Variants in AFG1L observed in about 807,000 individuals in gnomAD.
AFG1L encodes AFG1 like ATPase.
Under a neutral mutation model 62.2 loss-of-function variants are expected in AFG1L, and 53 were observed. The observed-to-expected ratio is 0.85, with a 90% CI of 0.68 to 1.07. AFG1L has a LOEUF of 1.07. AFG1L is among the 50% of genes least tolerant of loss of function. The probability of loss-of-function intolerance (pLI) is 0.00; values close to 1 mark genes in which losing one functional copy is unlikely to be tolerated. For missense variants in AFG1L, 555 were observed against 590.5 expected, an observed-to-expected ratio of 0.94 and a Z score of 0.62; for synonymous variants, 228 against 210.3, an observed-to-expected ratio of 1.08 and a Z score of -0.73.
intron 2 of AFG1L, among the ~76,000 whole-genome samples, chr6:108,337,751 G>T (rs936019997): frequency 6.6e-6 from 1 of 152,112 alleles, no homozygotes; most frequent in South Asian, 2.1e-4. Flanking sequence ...TAACAATGAG[G>T]TATATTGAAA....
chr6:108,405,747 C>T (rs1781823324), intron 7 of AFG1L, among the ~76,000 whole-genome samples: 1 of 152,194 alleles, frequency 6.6e-6, no homozygotes, highest in Admixed American at 6.5e-5. Flanking sequence ...TTCATCTTAT[C>T]AAAATGAAAC....
intron 1 of AFG1L, among the ~76,000 whole-genome samples, chr6:108,309,451 C>T (rs1324490305): frequency 1.3e-5 from 2 of 152,116 alleles, no homozygotes; most frequent in Admixed American, 1.3e-4. Context: ...TCAAGATTGA[C>T]CAGACCTGAG....
At chr6:108,320,976 T>G (rs1777793177) in intron 1 of AFG1L, among the ~76,000 whole-genome samples, 1 of 152,008 alleles carries the variant, frequency 6.6e-6, no homozygotes, top group Admixed American at 6.6e-5. Flanking sequence ...AAAGAGGGGG[T>G]GGAGAAGAGC....
At chr6:108,370,020 A>C (rs552040683) in intron 6 of AFG1L, among the ~76,000 whole-genome samples, 2 of 152,070 alleles carry the variant, frequency 1.3e-5, no homozygotes, top group African/African-American at 4.8e-5. Context: ...TTAGACTGCT[A>C]CAAGAGCTGG....
chr6:108,512,887 G>A (rs1464744812), intron 11 of AFG1L, among the ~76,000 whole-genome samples: 1 of 152,100 alleles, frequency 6.6e-6, no homozygotes. Context: ...ATTCTAGAAT[G>A]TATTCATGGA....
intron 7 of AFG1L, among the ~76,000 whole-genome samples, chr6:108,423,173 G>T (rs1358998841): frequency 6.6e-6 from 1 of 152,048 alleles, no homozygotes; most frequent in Non-Finnish European, 1.5e-5. Flanking sequence ...GGTTGATGAA[G>T]TGATATTTAG....
At chr6:108,412,890 G>T (rs1355860234) in intron 7 of AFG1L, among the ~76,000 whole-genome samples, 1 of 152,168 alleles carries the variant, frequency 6.6e-6, no homozygotes, top group African/African-American at 2.4e-5. Context: ...ACATCATAAT[G>T]ACAGGATCAA....
At chr6:108,470,045 G>C (rs576373124) in intron 8 of AFG1L, among the ~76,000 whole-genome samples, 1 of 152,184 alleles carries the variant, frequency 6.6e-6, no homozygotes, top group Non-Finnish European at 1.5e-5. Flanking sequence ...CCAAGCCTTT[G>C]GAGAGTTCTT....
chr6:108,477,301 C>A lies in AFG1L; in HGVS notation c.1062+9C>A. Reference sequence around the variant, plus strand: ...AAGAGCTGTGTGAGAGAGTAAGTATCCAGGCACGTCCAGACTCACTGGCCT... The same window carrying A: ...AAGAGCTGTGTGAGAGAGTAAGTATACAGGCACGTCCAGACTCACTGGCCT... On this transcript the variant is annotated intron_variant, in intron 10 of 12. Transcript: ENST00000368977. The A allele has an allele frequency of 6.5e-7, 1 of 1,539,192 alleles. No individual in the cohort carries two copies. Among genetic ancestry groups the A allele is most frequent in the Non-Finnish European group, 8.9e-7 (1 of 1,123,690 alleles).
Position 108,481,025 on chromosome 6 carries a change from C to T in AFG1L, c.1062+3733C>T, listed in dbSNP as rs374171328. On this transcript the variant is annotated intron_variant, in intron 10 of 12. Transcript: ENST00000368977. ...GGAAGTCCAGCTACGAGCCCCTCTGCTCTTCTGAAGGCTGTACCTCCAGGG... is the reference window on the plus strand; with the variant it reads ...GGAAGTCCAGCTACGAGCCCCTCTGTTCTTCTGAAGGCTGTACCTCCAGGG... Among the ~76,000 whole-genome samples, 370 of 152,330 alleles carry T rather than the reference C, an allele frequency of 2.4e-3. 6 individuals carry two copies. The highest frequency in any genetic ancestry group is 3.4e-3 in the Middle Eastern group (1 of 294).
intron 2 of AFG1L, among the ~76,000 whole-genome samples, chr6:108,329,972 A>T (rs1471407993): frequency 6.6e-6 from 1 of 152,124 alleles, no homozygotes; most frequent in South Asian, 2.1e-4. Flanking sequence ...GGGTTAATGG[A>T]TTAATGGATT....
intron 7 of AFG1L, among the ~76,000 whole-genome samples, chr6:108,443,015 T>A (rs372077061): frequency 6.6e-6 from 1 of 152,244 alleles, no homozygotes; most frequent in South Asian, 2.1e-4. Context: ...AGAACATTGC[T>A]ACTTCTCAAG....
At chr6:108,436,263 G>A (rs113696662) in intron 7 of AFG1L, among the ~76,000 whole-genome samples, 4,326 of 152,036 alleles carry the variant, frequency 0.028, 95 homozygotes, top group Middle Eastern at 0.085. Context: ...TCCTGTCTCA[G>A]CCTCCTGAGT....
At chr6:108,311,149 T>G (rs547724645) in intron 1 of AFG1L, among the ~76,000 whole-genome samples, 1 of 152,324 alleles carries the variant, frequency 6.6e-6, no homozygotes, top group South Asian at 2.1e-4. Flanking sequence ...TCCCTTGTAC[T>G]CCTCCAGTAG....
intron 3 of AFG1L, among the ~76,000 whole-genome samples, chr6:108,348,643 A>G: frequency 6.6e-6 from 1 of 152,224 alleles, no homozygotes; most frequent in Non-Finnish European, 1.5e-5. Flanking sequence ...TTTGAGACCA[A>G]TGTATACTTA....
intron 8 of AFG1L, among the ~76,000 whole-genome samples, chr6:108,461,430 AG>A (rs1772458809): frequency 6.6e-6 from 1 of 152,170 alleles, no homozygotes; most frequent in Admixed American, 6.5e-5. Context: ...TGTATTTTAT[AG>A]GACATGATCC....
intron 1 of AFG1L, among the ~76,000 whole-genome samples, chr6:108,306,733 GT>G (rs1777211508): frequency 6.6e-6 from 1 of 152,142 alleles, no homozygotes; most frequent in African/African-American, 2.4e-5. Context: ...TCACAACATA[GT>G]TTCTAGATCC....
intron 11 of AFG1L, among the ~76,000 whole-genome samples, chr6:108,513,815 C>A (rs989667753): frequency 2.0e-5 from 3 of 152,214 alleles, no homozygotes; most frequent in Non-Finnish European, 4.4e-5. Flanking sequence ...AGACTGTCTC[C>A]TCAAGTGGGT....
chr6:108,471,282 A>G (rs773459300), intron 8 of AFG1L, among the ~76,000 whole-genome samples: 4 of 152,194 alleles, frequency 2.6e-5, no homozygotes, highest in Non-Finnish European at 5.9e-5. Flanking sequence ...GAGACACCGT[A>G]TAAGACTGAA....
Sources: allele counts gnomAD v4.1 joint callset (sites outside exome capture counted in the v4.1 genomes callset), GRCh38; gene constraint gnomAD v4.1.1; transcripts MANE v1.5; gene names NCBI Gene and HGNC (gene_info 2026-07-23, HGNC 2026-07-21).